Variants in BBS4 observed in about 807,000 individuals in gnomAD.
BBS4 encodes Bardet-Biedl syndrome 4, also known as BBSome complex member BBS4.
BBS4 carries 58 observed loss-of-function variants against 71.4 expected under a neutral mutation model. The ratio of observed to expected loss-of-function variants is 0.81; its 90% CI spans 0.66 to 1.01. BBS4 has a LOEUF of 1.01. BBS4 is among the 50% of genes least tolerant of loss of function. The pLI is 0.00. For synonymous variants in BBS4, 228 were observed against 216.8 expected (o/e 1.05, Z -0.46); for missense variants, 660 against 607.9 (o/e 1.09, Z -0.90).
chr15:72,686,443 A>C (rs1165821944), intron 1 of BBS4, 192 bp downstream of exon 1: 5 of 1,533,174 alleles, frequency 3.3e-6, no homozygotes, highest in African/African-American at 1.4e-5. Context: ...GATACTTAGC[A>C]GCACAGGTCC....
At chr15:72,737,410 C>A (rs748339591) in intron 15 of BBS4, 68 bp from the exon 16 acceptor site, 2 of 1,385,534 alleles carry the variant, frequency 1.4e-6, no homozygotes, top group Non-Finnish European at 2.0e-6. Flanking sequence ...TGAACTCTAA[C>A]AGCAAAAAAG....
intron 2 of BBS4, chr15:72,704,398 A>G (rs1220704751): frequency 2.3e-5 from 29 of 1,264,820 alleles, no homozygotes; most frequent in Non-Finnish European, 2.9e-5. Context: ...GTGAAAGCAT[A>G]TAAGAACCAG....
chr15:72,710,890 A>C (rs2065357337), intron 3 of BBS4, among the ~76,000 whole-genome samples: 1 of 150,942 alleles, frequency 6.6e-6, no homozygotes, highest in Admixed American at 6.6e-5. Context: ...TTCCAGTTTC[A>C]AGCAATTCTC....
chr15:72,727,942 T>C lies in BBS4; in HGVS notation c.590T>C (p.Phe197Ser), dbSNP rs111593833. 6.2e-7 allele frequency: 1 copy of C among 1,611,354 alleles called. No individual in the cohort carries two copies. The highest frequency in any genetic ancestry group is 1.1e-5 in the South Asian group (1 of 91,008). The part of the protein sequence containing the change: ...AIEVYKKAVE[F>S]SPENTELLTT... ...CTCTGAGCATCTCTATGTTGCAGGT[T>C]CTCACCAGAAAATACAGAGCTTCTT... The change falls in exon 9 of 16, where the codon TTC becomes TCC. Residue 197 changes from phenylalanine to serine, a missense_variant and splice_region_variant. By Grantham distance (155) the Phe-to-Ser change is radical. Coordinates refer to ENST00000268057, the MANE Select transcript of BBS4 (RefSeq NM_033028.5).
chr15:72,692,184 T>C (rs2064996309), intron 1 of BBS4, among the ~76,000 whole-genome samples: 1 of 152,018 alleles, frequency 6.6e-6, no homozygotes, highest in Admixed American at 6.6e-5. Context: ...AATAGATTGC[T>C]AGGTAATGGA....
intron 2 of BBS4, among the ~76,000 whole-genome samples, chr15:72,706,790 T>C (rs889405478): frequency 6.6e-6 from 1 of 152,202 alleles, no homozygotes; most frequent in Non-Finnish European, 1.5e-5. Flanking sequence ...ATTCCATTGA[T>C]AATCCCTATT....
chr15:72,717,288 C>G (rs1473777665), intron 6 of BBS4: 1 of 158,422 alleles, frequency 6.3e-6, no homozygotes, highest in Non-Finnish European at 1.4e-5. Flanking sequence ...CCCTCCCCTT[C>G]TCTTTGTGTC....
chr15:72,700,189 C>T (rs189058089), intron 2 of BBS4, among the ~76,000 whole-genome samples: 83 of 152,302 alleles, frequency 5.4e-4, no homozygotes, highest in African/African-American at 1.9e-3. Flanking sequence ...CCGCCCGCCT[C>T]AGCCTCCCAT....
chr15:72,700,328 T>C (rs972077602), intron 2 of BBS4, among the ~76,000 whole-genome samples: 3 of 152,212 alleles, frequency 2.0e-5, no homozygotes, highest in Admixed American at 2.0e-4. Flanking sequence ...TGCTTGGTCA[T>C]ATGTGAACTG....
intron 2 of BBS4, among the ~76,000 whole-genome samples, chr15:72,707,266 C>T (rs545416405): frequency 7.3e-5 from 11 of 150,806 alleles, no homozygotes; most frequent in South Asian, 6.3e-4. Context: ...GTAACCTCCC[C>T]GCACCAGGTT....
intron 3 of BBS4, 51 bp downstream of exon 3, chr15:72,709,830 A>ACTGTT: frequency 2.7e-6 from 4 of 1,454,794 alleles, no homozygotes; most frequent in Non-Finnish European, 3.9e-6. Context: ...TTGGGTAGGC[A>ACTGTT]ACTAACAGTG....
intron 2 of BBS4, among the ~76,000 whole-genome samples, chr15:72,698,657 A>G (rs2065119431): frequency 6.6e-6 from 1 of 152,166 alleles, no homozygotes; most frequent in Non-Finnish European, 1.5e-5. Flanking sequence ...TGTTTTCCTT[A>G]GAGTCTTTAT....
intron 2 of BBS4, among the ~76,000 whole-genome samples, chr15:72,702,974 A>T (rs1283961493): frequency 7.9e-6 from 1 of 126,816 alleles, no homozygotes; most frequent in Non-Finnish European, 1.7e-5. Context: ...CGCCCGGCTA[A>T]TTTTTTTTGT....
intron 2 of BBS4, among the ~76,000 whole-genome samples, chr15:72,706,219 C>A (rs879353507): frequency 6.6e-6 from 1 of 152,052 alleles, no homozygotes; most frequent in Non-Finnish European, 1.5e-5. Context: ...TCACTGCAAC[C>A]CCCGTCTCCT....
chr15:72,699,539 G>T (rs1208861063), intron 2 of BBS4, among the ~76,000 whole-genome samples: 2 of 152,106 alleles, frequency 1.3e-5, no homozygotes, highest in Non-Finnish European at 2.9e-5. Flanking sequence ...GTATACTCAT[G>T]TACATATTTA....
intron 11 of BBS4, 28 bp from the exon 12 acceptor site, chr15:72,731,527 C>G (rs771778847): frequency 6.2e-7 from 1 of 1,614,216 alleles, no homozygotes; most frequent in Non-Finnish European, 8.5e-7. Flanking sequence ...GCTTGCCCTT[C>G]TCATTGAGTG....
At chr15:72,706,774 T>C (rs2065270937) in intron 2 of BBS4, among the ~76,000 whole-genome samples, 1 of 152,218 alleles carries the variant, frequency 6.6e-6, no homozygotes, top group Admixed American at 6.5e-5. Context: ...TAATTTCTTC[T>C]TACAAATTCC....
At chr15:72,686,508 T>A (rs1462108495) in intron 1 of BBS4, 3 of 1,517,076 alleles carry the variant, frequency 2.0e-6, no homozygotes, top group Non-Finnish European at 2.6e-6. Context: ...GGGAGACTTT[T>A]CACCAGTAAT....
intron 1 of BBS4, among the ~76,000 whole-genome samples, chr15:72,688,607 G>A (rs1470569507): frequency 2.0e-5 from 3 of 151,856 alleles, no homozygotes; most frequent in East Asian, 3.9e-4. Context: ...GTTTCACCAC[G>A]TTGGCCAGGC....
Sources: gnomAD v4.1 joint callset for allele counts (sites outside exome capture counted in the v4.1 genomes callset) on GRCh38, gnomAD v4.1.1 for gene constraint, MANE v1.5 for transcripts, NCBI Gene and HGNC (gene_info 2026-07-23, HGNC 2026-07-21) for gene names.